The following APOL5 variants were observed in gnomAD, a reference collection of about 807,000 sequenced individuals.
APOL5 encodes the protein apolipoprotein L5, also known as apolipoprotein L, 5.
APOL5 carries 29 observed loss-of-function variants against 35.5 expected under a neutral mutation model. That is an observed-to-expected ratio of 0.82 (90% confidence interval 0.61 to 1.11). The LOEUF (loss-of-function observed/expected upper bound fraction) is 1.11, where lower values mean the gene tolerates loss of function less well. Ranked by LOEUF, APOL5 falls within the 50% of genes most tolerant of loss-of-function variation. The pLI is 0.00. For missense variants in APOL5, 514 were observed against 530.4 expected, an observed-to-expected ratio of 0.97 and a Z score of 0.30; for synonymous variants, 188 against 200.2, an observed-to-expected ratio of 0.94 and a Z score of 0.51.
At chr22:35,725,581 T>G (rs1927120972) in intron 2 of APOL5, among the ~76,000 whole-genome samples, 1 of 151,658 alleles carries the variant, frequency 6.6e-6, no homozygotes, top group African/African-American at 2.4e-5. Flanking sequence ...TAAAGGATAA[T>G]TTGGTGGGTA....
At chr22:35,721,672 C>T (rs1459794276) in intron 2 of APOL5, among the ~76,000 whole-genome samples, 1 of 152,150 alleles carries the variant, frequency 6.6e-6, no homozygotes, top group Non-Finnish European at 1.5e-5. Flanking sequence ...CAGGAATATT[C>T]CTTCCTGGGT....
In APOL5 at chr22:35,726,776, T is replaced by C. The variant is rs768560551; in HGVS notation, c.708T>C (p.Ala236=). The change falls in exon 3 of 5, where the codon GCT becomes GCC. Residue 236 remains alanine (A), a synonymous_variant. Coordinates refer to ENST00000249044, the MANE Select transcript of APOL5 (RefSeq NM_030642.1). ...AGFCVNKCVK[A]IQGIKDLHAY... is the part of the protein sequence containing the mutation. Reference sequence around the variant, plus strand: ...TTTGTGTTAATAAGTGTGTAAAAGCTATCCAGGGCATCAAGGATCTTCATG... The same window carrying C: ...TTTGTGTTAATAAGTGTGTAAAAGCCATCCAGGGCATCAAGGATCTTCATG... 1.2e-6 allele frequency: 2 copies of C among 1,614,218 alleles called. No homozygotes were observed. Among genetic ancestry groups the C allele is most frequent in the Non-Finnish European group, 1.7e-6 (2 of 1,180,040 alleles).
At chr22:35,720,171 C>T (rs1438441101) in intron 1 of APOL5, among the ~76,000 whole-genome samples, 1 of 152,252 alleles carries the variant, frequency 6.6e-6, no homozygotes, top group Non-Finnish European at 1.5e-5. Context: ...AATGCTTGTC[C>T]TCACTTAGAT....
chr22:35,720,490 C>A (rs1441047841), intron 1 of APOL5, 78 bp from the exon 2 acceptor site: 6 of 1,304,886 alleles, frequency 4.6e-6, no homozygotes, highest in Admixed American at 1.9e-5. Context: ...AGACAGCCAA[C>A]TTTCCCGGAG....
rs984079147 is a variant in APOL5, at chr22:35,721,905, G to A, written c.142+1251G>A. Among the ~76,000 whole-genome samples, 4 of 152,302 alleles carry A rather than the reference G, an allele frequency of 2.6e-5. 1 individual carries two copies. The South Asian group carries it at 6.2e-4, about 24-fold the overall frequency. The stretch of plus-strand genomic sequence containing the variant: ...CTCTAAAGTGGGTTGCAATGCTCCC[G>A]CAATTTATAGCAACCAAATGCCTAA... On this transcript the variant is annotated intron_variant, in intron 2 of 4. Transcript: ENST00000249044.
intron 1 of APOL5, among the ~76,000 whole-genome samples, chr22:35,719,471 A>T (rs531744514): frequency 6.6e-6 from 1 of 152,330 alleles, no homozygotes; most frequent in African/African-American, 2.4e-5. Context: ...GGACAGAATG[A>T]GCGTTCACTT....
intron 3 of APOL5, among the ~76,000 whole-genome samples, 187 bp downstream of exon 3, chr22:35,727,381 C>T (rs1032423596): frequency 1.3e-5 from 2 of 152,220 alleles, no homozygotes; most frequent in African/African-American, 4.8e-5. Flanking sequence ...GAATTGCGTT[C>T]TGTTCTCTCA....
At chr22:35,709,367 T>TCACACACACACACACACA in the APOL5 span, among the ~76,000 whole-genome samples, 3 of 149,824 alleles carry the variant, frequency 2.0e-5, no homozygotes, top group African/African-American at 7.4e-5. Flanking sequence ...CACAAAATTT[T>TCACACACACACACACACA]CACACACACA....
upstream of APOL5, among the ~76,000 whole-genome samples, chr22:35,717,235 A>AATATATATAT (rs1555930034): frequency 7.6e-4 from 44 of 57,560 alleles, no homozygotes; most frequent in Non-Finnish European, 7.8e-4. Context: ...AAAAAAAAAA[A>AATATATATAT]ATATATATAT....
At chr22:35,719,385 G>A (rs529254601) in intron 1 of APOL5, among the ~76,000 whole-genome samples, 2 of 152,292 alleles carry the variant, frequency 1.3e-5, no homozygotes, top group East Asian at 3.9e-4. Flanking sequence ...TCCCGCCCAC[G>A]AGCCTTGTCA....
chr22:35,720,636 T>C lies in APOL5; in HGVS notation c.124T>C (p.Ser42Pro). ...CTACGGAGGTGAGGTCTGGGGGAAGTCCCCAGAACCTGAGTTCCGTGAGGG... is the reference window on the plus strand; with the variant it reads ...CTACGGAGGTGAGGTCTGGGGGAAGCCCCCAGAACCTGAGTTCCGTGAGGG... Reference protein sequence around the residue: ...VIYGGEVWGKSPEPEFPSLVN... With the variant: ...VIYGGEVWGKPPEPEFPSLVN... The change falls in exon 2 of 5, where the codon TCC becomes CCC. Residue 42 changes from serine to proline, a missense_variant. This residue lies in a region of APOL5 where 254 missense variants were observed against 254.7 expected (regional missense o/e 1.00). Transcript: ENST00000249044. 1 of 1,613,390 alleles carries C rather than the reference T, an allele frequency of 6.2e-7. No individual in the cohort carries two copies. Among genetic ancestry groups the C allele is most frequent in the Non-Finnish European group, 8.5e-7 (1 of 1,179,510 alleles).
intron 1 of APOL5, 118 bp from the exon 2 acceptor site, chr22:35,720,450 T>TAAC: frequency 1.3e-6 from 1 of 760,264 alleles, no homozygotes. Flanking sequence ...TTGTATTCTT[T>TAAC]TTTTTTTCTA....
At chr22:35,715,253 T>C (rs1454580893), upstream of APOL5, among the ~76,000 whole-genome samples, 2 of 152,180 alleles carry the variant, frequency 1.3e-5, no homozygotes, top group Non-Finnish European at 2.9e-5. Flanking sequence ...CACTCCCTTC[T>C]TGCCTCCTCC....
rs1927229573 is a variant in APOL5 at position 35,727,982 on chromosome 22, A to T, written c.1127-741A>T. ...ACAACCTGAAACCCGGGAAAAGGAC[A>T]CATAAGTGTTTGCCGAAGATGTGAA... On this transcript the variant is annotated intron_variant, in intron 3 of 4. Coordinates refer to ENST00000249044, the MANE Select transcript of APOL5 (RefSeq NM_030642.1). Among the ~76,000 whole-genome samples, 4 of 152,358 alleles carry T rather than the reference A, an allele frequency of 2.6e-5. No homozygotes were observed. In the East Asian group the frequency reaches 5.8e-4, roughly 22 times the overall value.
upstream of APOL5, among the ~76,000 whole-genome samples, chr22:35,716,124 A>G (rs749442229): frequency 6.6e-6 from 1 of 152,256 alleles, no homozygotes; most frequent in Non-Finnish European, 1.5e-5. Flanking sequence ...AGAAAACAAT[A>G]TTAACATTTA....
chr22:35,711,733 T>C, the APOL5 span, among the ~76,000 whole-genome samples: 1 of 149,880 alleles, frequency 6.7e-6, no homozygotes, highest in African/African-American at 2.4e-5. Flanking sequence ...TGGAGTGCAG[T>C]GGCATGATCT....
rs369158723 is a variant in APOL5 at position 35,726,679 on chromosome 22, G to A, written c.611G>A (p.Arg204Gln). 1.2e-4 allele frequency: 196 copies of A among 1,614,082 alleles called. 1 individual carries two copies. The highest frequency in any genetic ancestry group is 1.5e-4 in the Non-Finnish European group (180 of 1,180,040). ...TCAGCAGCAAGAGACAAAGCCAGCCGACTGGGGCCTCTGACAACATCACAT... is the reference window on the plus strand; with the variant it reads ...TCAGCAGCAAGAGACAAAGCCAGCCAACTGGGGCCTCTGACAACATCACAT... ...SNSAARDKASRLGPLTTSHEA... is the reference protein window; with the variant it reads ...SNSAARDKASQLGPLTTSHEA... The change falls in exon 3 of 5, where the codon CGA (arginine) becomes CAA (glutamine). Residue 204 changes from arginine to glutamine, a missense_variant. Physicochemically the swap from Arg to Gln is conservative, Grantham distance 43. Around this residue, in one of 3 missense-constraint regions of APOL5, gnomAD observed 254 missense variants for 254.7 expected, o/e 1.00. Coordinates refer to ENST00000249044, the MANE Select transcript of APOL5 (RefSeq NM_030642.1).
chr22:35,725,769 C>G (rs1470215102), intron 2 of APOL5, among the ~76,000 whole-genome samples: 1 of 152,116 alleles, frequency 6.6e-6, no homozygotes, highest in Non-Finnish European at 1.5e-5. Flanking sequence ...AAAAATATCT[C>G]GAGCACTCAT....
chr22:35,725,416 G>C (rs781179548), intron 2 of APOL5, among the ~76,000 whole-genome samples: 13 of 152,054 alleles, frequency 8.5e-5, no homozygotes, highest in Non-Finnish European at 1.6e-4. Flanking sequence ...CACCACACCC[G>C]GCTAACTTTT....
Sources: gnomAD v4.1 joint callset for allele counts (sites outside exome capture counted in the v4.1 genomes callset) on GRCh38, gnomAD v4.1.1 for gene constraint, gnomAD v4.1.1 regional missense constraint, MANE v1.5 for transcripts, NCBI Gene and HGNC (gene_info 2026-07-23, HGNC 2026-07-21) for gene names.